DDX46: variants seen among roughly 807,000 people sequenced by gnomAD.
The protein encoded by DDX46 is DEAD-box helicase 46.
Under a neutral mutation model 134.9 loss-of-function variants are expected in DDX46, and 30 were observed. The ratio of observed to expected loss-of-function variants is 0.22; its 90% confidence interval spans 0.17 to 0.30. The LOEUF (loss-of-function observed/expected upper bound fraction) is 0.30, where lower values mean the gene tolerates loss of function less well. Among genes scored for constraint, DDX46 ranks in the 10% least tolerant of loss-of-function variants. The probability of loss-of-function intolerance (pLI) is 1.00; values close to 1 mark genes in which losing one functional copy is unlikely to be tolerated. For synonymous variants in DDX46, 415 were observed against 404.1 expected, an observed-to-expected ratio of 1.03 and a Z score of -0.32; for missense variants, 622 against 1,248.7, an observed-to-expected ratio of 0.50 and a Z score of 7.56.
chr5:134,828,397 C>T (rs1389541728), intron 22 of DDX46, among the ~76,000 whole-genome samples: 1 of 152,144 alleles, frequency 6.6e-6, no homozygotes, highest in African/African-American at 2.4e-5. Context: ...ATGCTACCAC[C>T]ATTAGGTTGA....
At chr5:134,812,119 C>T (rs1031857218) in intron 18 of DDX46, among the ~76,000 whole-genome samples, 3 of 130,590 alleles carry the variant, frequency 2.3e-5, no homozygotes, top group East Asian at 2.4e-4. Flanking sequence ...GGCTGGAGTA[C>T]GGTGGCGTGG....
At chr5:134,811,556 GCT>G in intron 17 of DDX46, 138 bp from the exon 18 acceptor site, 1 of 1,130,882 alleles carries the variant, frequency 8.8e-7, no homozygotes, top group Non-Finnish European at 1.2e-6. Context: ...TCTATGTAGA[GCT>G]CTTAGTTTAT....
At position 134,828,652 on chromosome 5, in the gene DDX46, A is replaced by G. The variant is rs753221599; in HGVS notation, c.3052-7A>G. 4.1e-6 allele frequency: 6 copies of G among 1,476,384 alleles called. No homozygotes were observed. Among genetic ancestry groups the G allele is most frequent in the East Asian group, 2.5e-5 (1 of 39,530 alleles). 91.5% of individuals were successfully genotyped at this position (1,476,384 alleles called of 1,614,324 possible). A position where few individuals can be genotyped will look rare whatever the true frequency, so the allele number is the denominator to read the frequency against. On this transcript the variant is annotated splice_polypyrimidine_tract_variant and splice_region_variant and intron_variant, in intron 22 of 22. Coordinates refer to ENST00000452510, the MANE Select transcript of DDX46 (RefSeq NM_001300860.2). ...TCTGATGACATATCTTTTATTTCCT[A>G]TTACAGCAAAATTCATACCAACCAA...
intron 7 of DDX46, 143 bp downstream of exon 7, chr5:134,781,389 A>G (rs986940257): frequency 3.1e-5 from 20 of 645,116 alleles, no homozygotes; most frequent in South Asian, 5.6e-5. Context: ...TCTTAGTAGT[A>G]TAATAGTATC....
chr5:134,820,738 G>A (rs1358589429), intron 21 of DDX46, among the ~76,000 whole-genome samples: 2 of 152,132 alleles, frequency 1.3e-5, no homozygotes, highest in Admixed American at 6.5e-5. Flanking sequence ...CAGTACCTTC[G>A]TGAAACTTAA....
Position 134,802,159 on chromosome 5 carries a change from C to CTT in DDX46, c.1955-5568_1955-5567dup, listed in dbSNP as rs542615882. 9.1e-3 allele frequency among the ~76,000 whole-genome samples: 668 copies of CTT among 73,160 alleles called. 2 individuals carry two copies. The highest frequency in any genetic ancestry group is 0.013 in the Non-Finnish European group (517 of 39,516). The allele number at this position is 73,160 out of a possible 152,430, so 48.0% of individuals were successfully genotyped here. A position where few individuals can be genotyped will look rare whatever the true frequency, so the allele number is the denominator to read the frequency against. ...GTAGATCAAATTGGATAATTTCTTT[C>CTT]TTTTTTTTTTTTTTTTTTTTTTGAG... On this transcript the variant is annotated intron_variant, in intron 15 of 22. Coordinates refer to ENST00000452510, the MANE Select transcript of DDX46 (RefSeq NM_001300860.2).
intron 22 of DDX46, 108 bp downstream of exon 22, chr5:134,827,128 C>A: frequency 8.7e-7 from 1 of 1,154,060 alleles, no homozygotes; most frequent in Non-Finnish European, 1.2e-6. Context: ...GATGAATTTT[C>A]ACAAAGTAAT....
intron 15 of DDX46, among the ~76,000 whole-genome samples, chr5:134,800,704 T>G (rs1213783006): frequency 6.6e-6 from 1 of 152,136 alleles, no homozygotes; most frequent in Non-Finnish European, 1.5e-5. Flanking sequence ...AGGCAGAGTT[T>G]TGCTCTTGTT....
chr5:134,818,767 A>G, intron 20 of DDX46, 93 bp from the exon 21 acceptor site: 2 of 1,056,320 alleles, frequency 1.9e-6, no homozygotes, highest in Non-Finnish European at 2.7e-6. Context: ...ACCAACCATA[A>G]TATGATATCA....
intron 21 of DDX46, 66 bp from the exon 22 acceptor site, chr5:134,826,881 C>T (rs1037033917): frequency 7.4e-6 from 11 of 1,494,666 alleles, no homozygotes; most frequent in East Asian, 7.2e-5. Flanking sequence ...CCTGGACCTC[C>T]GTGATATGGG....
intron 6 of DDX46, among the ~76,000 whole-genome samples, chr5:134,780,375 G>T (rs950662995): frequency 6.6e-6 from 1 of 150,596 alleles, no homozygotes; most frequent in Non-Finnish European, 1.5e-5. Flanking sequence ...AGACCAGCCT[G>T]CCAACATGAT....
At chr5:134,811,987 C>T in intron 18 of DDX46, 142 bp downstream of exon 18, 6 of 869,674 alleles carry the variant, frequency 6.9e-6, no homozygotes, top group Non-Finnish European at 1.0e-5. Flanking sequence ...GGAAAATCTG[C>T]CTACTACATA....
At chr5:134,782,902 A>G in intron 8 of DDX46, 43 bp from the exon 9 acceptor site, 1 of 1,599,684 alleles carries the variant, frequency 6.3e-7, no homozygotes, top group Non-Finnish European at 8.5e-7. Context: ...AGACACCAAT[A>G]GAACAATATT....
chr5:134,763,527 T>A (rs963856002), intron 1 of DDX46, among the ~76,000 whole-genome samples: 3 of 152,210 alleles, frequency 2.0e-5, no homozygotes, highest in Non-Finnish European at 4.4e-5. Context: ...TCTACATGGC[T>A]CCTTTATTTC....
In DDX46 at chr5:134,807,440, G is replaced by A. The variant is rs375383773; in HGVS notation, c.1955-308G>A. 4.6e-5 allele frequency among the ~76,000 whole-genome samples: 7 copies of A among 152,178 alleles called. No homozygotes were observed. The East Asian group carries it at 1.3e-3, about 29-fold the overall frequency. On this transcript the variant is annotated intron_variant, in intron 15 of 22. Transcript: ENST00000452510. ...GAAAGATCTAACTCTTGTCAATATA[G>A]GCTGAATGTTTCTGCCTTTTCTCGC...
intron 18 of DDX46, among the ~76,000 whole-genome samples, chr5:134,814,135 G>A (rs1175093811): frequency 6.6e-6 from 1 of 152,050 alleles, no homozygotes; most frequent in African/African-American, 2.4e-5. Flanking sequence ...TTTTATTACA[G>A]TATATTGCTA....
At chr5:134,768,343 C>A (rs754711495) in intron 3 of DDX46, among the ~76,000 whole-genome samples, 10 of 151,770 alleles carry the variant, frequency 6.6e-5, no homozygotes, top group Non-Finnish European at 1.3e-4. Context: ...ATCTCCTGAT[C>A]TCGTGATCCA....
At chr5:134,782,800 C>A in intron 8 of DDX46, 145 bp from the exon 9 acceptor site, 2 of 983,690 alleles carry the variant, frequency 2.0e-6, no homozygotes, top group Non-Finnish European at 2.8e-6. Flanking sequence ...GTCTGTCTCC[C>A]AAAGTGCTAG....
intron 8 of DDX46, 91 bp downstream of exon 8, chr5:134,782,177 G>C: frequency 7.9e-7 from 1 of 1,268,342 alleles, no homozygotes; most frequent in Non-Finnish European, 1.1e-6. Flanking sequence ...AGTGTCTCAT[G>C]AAGGAGGGTG....
Sources: gnomAD v4.1 joint callset for allele counts (sites outside exome capture counted in the v4.1 genomes callset) on GRCh38, gnomAD v4.1.1 for gene constraint, MANE v1.5 for transcripts, NCBI Gene and HGNC (gene_info 2026-07-23, HGNC 2026-07-21) for gene names.